The following PCDHGB2 variants were observed in gnomAD, a reference collection of about 807,000 sequenced individuals.
PCDHGB2 encodes protocadherin gamma subfamily B, 2, also known as protocadherin gamma-B2.
A neutral mutation model predicts 59.3 loss-of-function variants in PCDHGB2; 55 were observed. The ratio of observed to expected loss-of-function variants is 0.93; its 90% CI spans 0.75 to 1.16. PCDHGB2 has a LOEUF of 1.16. Ranked by LOEUF, PCDHGB2 falls within the 50% of genes most tolerant of loss-of-function variation. The probability of loss-of-function intolerance (pLI) is 0.00; values close to 1 mark genes in which losing one functional copy is unlikely to be tolerated. For missense variants in PCDHGB2, 1,228 were observed against 1,198.5 expected, an observed-to-expected ratio of 1.02 and a Z score of -0.36; for synonymous variants, 516 against 512.0, an observed-to-expected ratio of 1.01 and a Z score of -0.11.
At chr5:141,510,754 C>G (rs1407911674) in intron 3 of PCDHGB2, among the ~76,000 whole-genome samples, 193 bp from the exon 4 acceptor site, 3 of 152,168 alleles carry the variant, frequency 2.0e-5, no homozygotes, top group African/African-American at 7.2e-5. Flanking sequence ...GACTTTCTCA[C>G]TCCAGAGCCT....
chr5:141,510,472 G>A (rs1209464436), intron 3 of PCDHGB2, among the ~76,000 whole-genome samples: 7 of 152,102 alleles, frequency 4.6e-5, no homozygotes, highest in Non-Finnish European at 1.0e-4. Context: ...GGAGTCAGAG[G>A]CTCCCTTGAG....
At chr5:141,445,538 G>A (rs1188324168) in intron 1 of PCDHGB2, among the ~76,000 whole-genome samples, 1 of 152,168 alleles carries the variant, frequency 6.6e-6, no homozygotes, top group African/African-American at 2.4e-5. Flanking sequence ...AGCCAACAAG[G>A]AGAAATACAA....
At chr5:141,415,828 G>A (rs1178303711) in intron 1 of PCDHGB2, 4 of 1,293,274 alleles carry the variant, frequency 3.1e-6, no homozygotes, top group Non-Finnish European at 3.0e-6. Flanking sequence ...ATAAGGCTTT[G>A]TTATGATTAG....
rs1762464111 is a variant in PCDHGB2, at chr5:141,362,372, G to T, written c.2237G>T (p.Gly746Val). ...GPGVLPNYSE[G>V]TLPYSYNLCV... is the part of the protein sequence containing the mutation. ...GGGGTTCTCCCCAATTACAGTGAGG[G>T]TACATTGCCCTATTCCTACAACCTG... The change falls in exon 1 of 4, where the codon GGT becomes GTT. Residue 746 changes from glycine to valine, a missense_variant. Around this residue, in one of 3 missense-constraint regions of PCDHGB2, gnomAD observed 433 missense variants for 441.8 expected, o/e 0.98. Coordinates refer to ENST00000522605, the MANE Select transcript of PCDHGB2 (RefSeq NM_018923.3). 6.2e-7 allele frequency: 1 copy of T among 1,614,054 alleles called. No individual in the cohort carries two copies. The highest frequency in any genetic ancestry group is 8.5e-7 in the Non-Finnish European group (1 of 1,179,902).
chr5:141,395,463 C>A, intron 1 of PCDHGB2: 1 of 582,522 alleles, frequency 1.7e-6, no homozygotes, highest in Non-Finnish European at 2.9e-6. Flanking sequence ...CCATTTTAAG[C>A]CTTCCAGTAT....
chr5:141,418,707 G>T (rs2096282239), intron 1 of PCDHGB2: 1 of 1,614,016 alleles, frequency 6.2e-7, no homozygotes, highest in Non-Finnish European at 8.5e-7. Context: ...TCCTTCTTTG[G>T]TGTGGCTGAC....
chr5:141,394,428 G>A lies in PCDHGB2; in HGVS notation c.2421+31872G>A, dbSNP rs199658498. On this transcript the variant is annotated intron_variant, in intron 1 of 3. Coordinates refer to ENST00000522605, the MANE Select transcript of PCDHGB2 (RefSeq NM_018923.3). ...ACTGGTAACAGCCAGCGACAGCGGG[G>A]ACCCGCCCCTCAGCAGCAACATGTC... 332 of 1,614,232 alleles carry A rather than the reference G, an allele frequency of 2.1e-4. 3 individuals are homozygous for A. In the African/African-American group the frequency reaches 4.0e-3, roughly 19 times the overall value.
chr5:141,470,147 T>A (rs1394329530), intron 1 of PCDHGB2, among the ~76,000 whole-genome samples: 1 of 152,172 alleles, frequency 6.6e-6, no homozygotes. Context: ...AGATCATAGA[T>A]CATCTTATCA....
chr5:141,413,900 AC>A, intron 1 of PCDHGB2: 1 of 1,613,126 alleles, frequency 6.2e-7, no homozygotes. Flanking sequence ...GCAAATGACA[AC>A]GCGCCGGTCT....
intron 1 of PCDHGB2, among the ~76,000 whole-genome samples, chr5:141,448,007 AC>A (rs1430481139): frequency 1.3e-5 from 2 of 151,784 alleles, no homozygotes; most frequent in Non-Finnish European, 2.9e-5. Context: ...AATCGCTTGA[AC>A]CCAGGAGGTG....
chr5:141,464,063 A>G (rs893270944), intron 1 of PCDHGB2, among the ~76,000 whole-genome samples: 2 of 152,016 alleles, frequency 1.3e-5, no homozygotes, highest in Non-Finnish European at 2.9e-5. Flanking sequence ...TCAGGAGTTC[A>G]AGGCCAGCCT....
In PCDHGB2 at chr5:141,361,974, G is replaced by T. The variant is rs775025074; in HGVS notation, c.1839G>T (p.Glu613Asp). The change falls in exon 1 of 4, where the codon GAG becomes GAT. Residue 613 changes from glutamate to aspartate, a missense_variant. Transcript: ENST00000522605. ...WLSYHVLQAS[E>D]PGLFSLGLRT... ...CCTACCACGTGCTGCAGGCCAGCGA[G>T]CCCGGGCTCTTCAGCCTGGGGTTGC... is the stretch of plus-strand genomic sequence containing the variant. 1 of 1,601,816 alleles carries T rather than the reference G, an allele frequency of 6.2e-7. No individual in the cohort carries two copies. Among genetic ancestry groups the T allele is most frequent in the Non-Finnish European group, 8.5e-7 (1 of 1,176,540 alleles).
intron 1 of PCDHGB2, chr5:141,384,852 G>C: frequency 6.2e-7 from 1 of 1,613,646 alleles, no homozygotes; most frequent in Non-Finnish European, 8.5e-7. Context: ...ACCACGGTCA[G>C]CCTCCTCTGT....
At chr5:141,374,163 C>A (rs764323551) in intron 1 of PCDHGB2, 1 of 1,612,604 alleles carries the variant, frequency 6.2e-7, no homozygotes, top group East Asian at 2.2e-5. Flanking sequence ...TGGGGGGCCG[C>A]GGCAGCGCAG....
chr5:141,503,960 T>TTC (rs2099834474), intron 2 of PCDHGB2, among the ~76,000 whole-genome samples: 1 of 152,172 alleles, frequency 6.6e-6, no homozygotes, highest in Admixed American at 6.5e-5. Flanking sequence ...CCTACAGCCT[T>TTC]TCCCATGGTG....
intron 1 of PCDHGB2, chr5:141,412,700 G>C (rs537095191): frequency 6.6e-6 from 1 of 152,574 alleles, no homozygotes; most frequent in South Asian, 2.1e-4. Flanking sequence ...TTTTATTAAA[G>C]TGTGTACATT....
intron 1 of PCDHGB2, chr5:141,367,192 T>G (rs1764986193): frequency 6.3e-6 from 1 of 158,980 alleles, no homozygotes; most frequent in African/African-American, 2.4e-5. Flanking sequence ...GGAAATAATT[T>G]ACAGTATTTA....
intron 3 of PCDHGB2, among the ~76,000 whole-genome samples, chr5:141,507,760 T>G (rs2099863136): frequency 6.6e-6 from 1 of 152,202 alleles, no homozygotes; most frequent in Non-Finnish European, 1.5e-5. Context: ...GCCTCCCACC[T>G]TTGGCCCACA....
rs560197175 is a variant in PCDHGB2, at chr5:141,434,430, G to A, written c.2422-60377G>A. Among the ~76,000 whole-genome samples the A allele has an allele frequency of 2.4e-4, 36 of 152,326 alleles. 1 individual carries two copies. In the South Asian group the frequency reaches 6.4e-3, roughly 27 times the overall value. On this transcript the variant is annotated intron_variant, in intron 1 of 3. Coordinates refer to ENST00000522605, the MANE Select transcript of PCDHGB2 (RefSeq NM_018923.3). ...GCACTGTGACATGTTCATGATGGCC[G>A]TAATGCCCATGCTGGAAGGTAGTGG...
Sources: gnomAD v4.1 joint callset for allele counts (sites outside exome capture counted in the v4.1 genomes callset) on GRCh38, gnomAD v4.1.1 for gene constraint, gnomAD v4.1.1 regional missense constraint, MANE v1.5 for transcripts, NCBI Gene and HGNC (gene_info 2026-07-23, HGNC 2026-07-21) for gene names.